RALGAPA1: variants seen among roughly 807,000 people sequenced by gnomAD.
The protein encoded by RALGAPA1 is Ral GTPase activating protein catalytic subunit alpha 1.
A neutral mutation model predicts 269.6 loss-of-function variants in RALGAPA1; 52 were observed. The ratio of observed to expected loss-of-function variants is 0.19; its 90% CI spans 0.15 to 0.24. The LOEUF is 0.24. Among genes scored for constraint, RALGAPA1 ranks in the 10% least tolerant of loss-of-function variants. RALGAPA1 has a pLI of 1.00. For synonymous variants in RALGAPA1, 817 were observed against 1,008.3 expected, an observed-to-expected ratio of 0.81 and a Z score of 3.60; for missense variants, 1,917 against 3,013.9, an observed-to-expected ratio of 0.64 and a Z score of 8.52.
At chr14:35,785,952 G>A (rs1343417168) in intron 1 of RALGAPA1, among the ~76,000 whole-genome samples, 3 of 152,046 alleles carry the variant, frequency 2.0e-5, no homozygotes, top group Non-Finnish European at 2.9e-5. Context: ...GAGGTGGGTG[G>A]ATCACTTGTG....
rs149278602 is a variant in RALGAPA1 at position 35,760,920 on chromosome 14, T to C, written c.456A>G (p.Ser152=). 6.2e-6 allele frequency: 10 copies of C among 1,611,732 alleles called. No homozygotes were observed. The highest frequency in any genetic ancestry group is 8.5e-6 in the Non-Finnish European group (10 of 1,178,064). The part of the protein sequence containing the change: ...NCSKEQLWMF[S]CLIPGFSAPQ... ...GTGCTGAAAATCCAGGGATTAAGCATGAAAACATCCAGAGCTGTTCTTTGC... is the reference window on the plus strand; with the variant it reads ...GTGCTGAAAATCCAGGGATTAAGCACGAAAACATCCAGAGCTGTTCTTTGC... Residue 152 remains serine (S), a synonymous_variant, in exon 6 of 42, where the codon TCA becomes TCG. Coordinates refer to ENST00000680220, the MANE Select transcript of RALGAPA1 (RefSeq NM_001346249.2).
chr14:35,720,484 T>C (rs771647855), intron 16 of RALGAPA1, among the ~76,000 whole-genome samples: 5 of 152,246 alleles, frequency 3.3e-5, no homozygotes, highest in Admixed American at 6.5e-5. Flanking sequence ...ATAGTGTTTT[T>C]CACTGATTAC....
chr14:35,764,081 T>G (rs2141398944), intron 4 of RALGAPA1, among the ~76,000 whole-genome samples: 1 of 147,876 alleles, frequency 6.8e-6, no homozygotes, highest in South Asian at 2.2e-4. Context: ...AATTTTCAAT[T>G]TAGTTGTTCT....
chr14:35,687,933 A>ATAAT (rs1258063268), intron 18 of RALGAPA1, among the ~76,000 whole-genome samples: 1 of 152,256 alleles, frequency 6.6e-6, no homozygotes, highest in Non-Finnish European at 1.5e-5. Flanking sequence ...CATCACTGAT[A>ATAAT]GTTAACTATA....
chr14:35,673,108 T>C (rs980157826), intron 24 of RALGAPA1, 86 bp from the exon 25 acceptor site: 26 of 1,251,798 alleles, frequency 2.1e-5, no homozygotes, highest in East Asian at 3.1e-5. Flanking sequence ...AAACGATGTA[T>C]ATAATCTCAT....
chr14:35,556,212 A>G (rs754005883), intron 39 of RALGAPA1, among the ~76,000 whole-genome samples: 2 of 152,208 alleles, frequency 1.3e-5, no homozygotes, highest in Non-Finnish European at 2.9e-5. Context: ...TTTTGCAAGT[A>G]CATCTCAAGG....
intron 16 of RALGAPA1, among the ~76,000 whole-genome samples, chr14:35,720,876 T>C (rs751890649): frequency 1.3e-5 from 2 of 152,080 alleles, no homozygotes; most frequent in Non-Finnish European, 2.9e-5. Flanking sequence ...AGGGCTGCAG[T>C]GAGCTATGAT....
At chr14:35,740,480 T>C (rs2071439841) in intron 11 of RALGAPA1, among the ~76,000 whole-genome samples, 1 of 152,224 alleles carries the variant, frequency 6.6e-6, no homozygotes, top group Non-Finnish European at 1.5e-5. Context: ...TGTATGTCTT[T>C]CAAATGTCTC....
chr14:35,757,852 G>A (rs909169432), intron 6 of RALGAPA1, among the ~76,000 whole-genome samples: 2 of 152,126 alleles, frequency 1.3e-5, no homozygotes, highest in Admixed American at 6.5e-5. Flanking sequence ...AACAGAGGTA[G>A]ATTTCAGTTT....
Position 35,674,243 on chromosome 14 carries a change from C to T in RALGAPA1, c.4854G>A (p.Leu1618=). 1 of 1,612,098 alleles carries T rather than the reference C, an allele frequency of 6.2e-7. No individual in the cohort carries two copies. The highest frequency in any genetic ancestry group is 8.5e-7 in the Non-Finnish European group (1 of 1,178,970). ...RDNLGISTDN[L]TSPSPPVLIP... is the part of the protein sequence containing the mutation. Reference sequence around the variant, plus strand: ...TTAAAACTGGTGGAGAAGGGGAGGTCAGGTTATCAGTTGAAATGCCAAGGT... The same window carrying T: ...TTAAAACTGGTGGAGAAGGGGAGGTTAGGTTATCAGTTGAAATGCCAAGGT... Residue 1618 remains leucine (L), a synonymous_variant, in exon 24 of 42, where the codon CTG becomes CTA. Coordinates refer to ENST00000680220, the MANE Select transcript of RALGAPA1 (RefSeq NM_001346249.2).
chr14:35,560,002 C>T (rs1470297044), intron 39 of RALGAPA1, among the ~76,000 whole-genome samples: 1 of 152,076 alleles, frequency 6.6e-6, no homozygotes, highest in Non-Finnish European at 1.5e-5. Context: ...TGAGAAAATG[C>T]AATACTGGCT....
At position 35,625,998 on chromosome 14, in the gene RALGAPA1, A is replaced by G. The variant is rs868402512; in HGVS notation, c.6858-566T>C. 2.0e-5 allele frequency among the ~76,000 whole-genome samples: 3 copies of G among 152,328 alleles called. No homozygotes were observed. In the South Asian group the frequency reaches 6.2e-4, roughly 32 times the overall value. On this transcript the variant is annotated intron_variant, in intron 34 of 41. Transcript: ENST00000680220. Reference sequence around the variant, plus strand: ...TCATCTTTAATTTTTCCCAAGGGACAACATACGGACCATTCTACAGCAAAA... The same window carrying G: ...TCATCTTTAATTTTTCCCAAGGGACGACATACGGACCATTCTACAGCAAAA...
chr14:35,804,566 C>T (rs2077214120), intron 1 of RALGAPA1, among the ~76,000 whole-genome samples: 1 of 140,490 alleles, frequency 7.1e-6, no homozygotes, highest in Non-Finnish European at 1.5e-5. Flanking sequence ...GAGACTCCAT[C>T]TCAAAAATAA....
intron 37 of RALGAPA1, among the ~76,000 whole-genome samples, chr14:35,580,118 CAGA>C (rs1317156826): frequency 6.6e-6 from 1 of 152,152 alleles, no homozygotes; most frequent in Non-Finnish European, 1.5e-5. Flanking sequence ...AATAGTATTT[CAGA>C]GGAAATGGAC....
intron 17 of RALGAPA1, among the ~76,000 whole-genome samples, chr14:35,690,212 T>C (rs942245445): frequency 3.9e-5 from 6 of 152,180 alleles, no homozygotes; most frequent in African/African-American, 1.4e-4. Context: ...ATTAGAAAAC[T>C]ACCAAAACAC....
intron 1 of RALGAPA1, among the ~76,000 whole-genome samples, chr14:35,795,378 T>C (rs2076486493): frequency 6.6e-6 from 1 of 151,810 alleles, no homozygotes; most frequent in Non-Finnish European, 1.5e-5. Context: ...CCCCTTTAAG[T>C]ATGATGATAG....
intron 10 of RALGAPA1, chr14:35,748,280 A>T: frequency 5.8e-6 from 1 of 173,794 alleles, no homozygotes. Flanking sequence ...AAATTCTTAA[A>T]CTAAGAATTA....
chr14:35,758,900 C>A (rs2073436462), intron 6 of RALGAPA1, among the ~76,000 whole-genome samples: 1 of 152,120 alleles, frequency 6.6e-6, no homozygotes, highest in African/African-American at 2.4e-5. Flanking sequence ...GACTGCTTGA[C>A]TTTAGGAGTT....
intron 16 of RALGAPA1, chr14:35,716,173 C>A: frequency 4.3e-6 from 3 of 703,364 alleles, no homozygotes; most frequent in Non-Finnish European, 3.5e-6. Flanking sequence ...GAGGGTGGAT[C>A]ACTTGAGGTC....
Sources: allele counts gnomAD v4.1 joint callset (sites outside exome capture counted in the v4.1 genomes callset), GRCh38; gene constraint gnomAD v4.1.1; transcripts MANE v1.5; gene names NCBI Gene and HGNC (gene_info 2026-07-23, HGNC 2026-07-21).